Variants in TCF7 observed in about 807,000 individuals in gnomAD.
The protein encoded by TCF7 is T-cell-factor-7.
In TCF7, 19 loss-of-function variants were observed where a neutral mutation model predicts 46.8. That is an observed-to-expected ratio of 0.41 (90% CI 0.28 to 0.60). The LOEUF (loss-of-function observed/expected upper bound fraction) is 0.60, where lower values mean the gene tolerates loss of function less well. Among genes scored for constraint, TCF7 ranks in the 20% least tolerant of loss-of-function variants. TCF7 has a pLI of 0.35. For missense variants in TCF7, 547 were observed against 504.6 expected (o/e 1.08, Z -0.81); for synonymous variants, 245 against 213.4 (o/e 1.15, Z -1.29).
At chr5:134,143,266 G>A (rs998969997) in intron 8 of TCF7, 166 bp downstream of exon 8, 1 of 772,070 alleles carries the variant, frequency 1.3e-6, no homozygotes, top group Non-Finnish European at 2.2e-6. Context: ...AAGAGGACAA[G>A]CCCACATCCT....
intron 5 of TCF7, among the ~76,000 whole-genome samples, chr5:134,140,310 A>C (rs1411592158): frequency 2.0e-5 from 3 of 152,128 alleles, no homozygotes; most frequent in Middle Eastern, 3.2e-3. Context: ...AAAAAACCAG[A>C]CAGTTACAGG....
At chr5:134,142,430 C>G in intron 6 of TCF7, 126 bp downstream of exon 6, 1 of 916,876 alleles carries the variant, frequency 1.1e-6, no homozygotes, top group Non-Finnish European at 1.5e-6. Context: ...TGTTTTTGAT[C>G]CTCAGAAGTA....
intron 3 of TCF7, among the ~76,000 whole-genome samples, chr5:134,117,537 AG>A (rs1209533433): frequency 6.6e-6 from 1 of 152,238 alleles, no homozygotes; most frequent in Non-Finnish European, 1.5e-5. Flanking sequence ...GCTCCACAGC[AG>A]CACAGGGAAA....
upstream of TCF7, among the ~76,000 whole-genome samples, chr5:134,113,853 A>G (rs1367455089): frequency 3.9e-5 from 6 of 152,182 alleles, no homozygotes; most frequent in Non-Finnish European, 2.9e-5. Context: ...CCTAAATGCG[A>G]CTTCTAGGGT....
chr5:134,142,616 TG>T, intron 6 of TCF7, 104 bp from the exon 7 acceptor site: 1 of 1,430,254 alleles, frequency 7.0e-7, no homozygotes, highest in Non-Finnish European at 9.4e-7. Context: ...TAGAAAACTC[TG>T]GTATCATACA....
upstream of TCF7, among the ~76,000 whole-genome samples, chr5:134,113,507 A>T (rs2149258156): frequency 6.6e-6 from 1 of 152,304 alleles, no homozygotes; most frequent in East Asian, 1.9e-4. Context: ...CCTCAGAGGG[A>T]GAGGCGTCCA....
intron 3 of TCF7, among the ~76,000 whole-genome samples, chr5:134,125,814 G>C (rs997982801): frequency 6.6e-6 from 1 of 152,196 alleles, no homozygotes; most frequent in African/African-American, 2.4e-5. Flanking sequence ...GGGAGACCCC[G>C]GTGTCCGGTG....
At chr5:134,126,856 C>T (rs1757415132) in intron 3 of TCF7, among the ~76,000 whole-genome samples, 1 of 151,404 alleles carries the variant, frequency 6.6e-6, no homozygotes, top group South Asian at 2.1e-4. Flanking sequence ...AAGATTGCAC[C>T]ACTGCACTCC....
chr5:134,128,784 C>T (rs1420460203), intron 3 of TCF7, among the ~76,000 whole-genome samples: 5 of 152,120 alleles, frequency 3.3e-5, no homozygotes, highest in African/African-American at 7.2e-5. Context: ...CCCCAGCCTC[C>T]GGTGGCTGTC....
At position 134,146,618 on chromosome 5, in the gene TCF7, A is replaced by G; in HGVS notation, c.*315A>G. 2.9e-6 allele frequency: 2 copies of G among 681,116 alleles called. No individual in the cohort carries two copies. Among genetic ancestry groups the G allele is most frequent in the Non-Finnish European group, 5.3e-6 (2 of 376,786 alleles). 42.2% of individuals were successfully genotyped at this position (681,116 alleles called of 1,614,324 possible). A position where few individuals can be genotyped will look rare whatever the true frequency, so the allele number is the denominator to read the frequency against. ...ACTGGCCAGGGGTCCTGTTAACGTC[A>G]TCTCAGGGTCCAGACCCTGAAGATT... On this transcript the variant is annotated 3_prime_UTR_variant, in exon 10 of 10. Transcript: ENST00000342854.
intron 9 of TCF7, chr5:134,145,893 A>C: frequency 6.4e-7 from 1 of 1,565,626 alleles, no homozygotes; most frequent in Non-Finnish European, 8.6e-7. Context: ...GAGTCCCACA[A>C]ACACATCTGG....
intron 5 of TCF7, chr5:134,141,946 G>A: frequency 2.3e-6 from 1 of 428,624 alleles, no homozygotes; most frequent in Non-Finnish European, 4.0e-6. Flanking sequence ...AAGCTACTTG[G>A]GACCTATGTA....
chr5:134,124,247 C>T (rs1757020894), intron 3 of TCF7, among the ~76,000 whole-genome samples: 1 of 152,172 alleles, frequency 6.6e-6, no homozygotes, highest in Non-Finnish European at 1.5e-5. Context: ...AGTTTGCTGT[C>T]CTGTTTCGCA....
intron 3 of TCF7, among the ~76,000 whole-genome samples, chr5:134,132,005 C>T (rs1340920851): frequency 6.6e-6 from 1 of 152,212 alleles, no homozygotes; most frequent in Admixed American, 6.5e-5. Flanking sequence ...AAACTTGGAG[C>T]ATTTTTCAGG....
chr5:134,129,345 C>G (rs1161465193), intron 3 of TCF7, among the ~76,000 whole-genome samples: 1 of 152,194 alleles, frequency 6.6e-6, no homozygotes. Context: ...TCAAACACCT[C>G]CCTCCCCAGA....
intron 9 of TCF7, chr5:134,145,957 G>A (rs754250384): frequency 6.8e-7 from 1 of 1,475,842 alleles, no homozygotes; most frequent in Non-Finnish European, 8.9e-7. Flanking sequence ...CAGGAGAGAT[G>A]ACTCCCTTGG....
chr5:134,146,631 G>T lies in TCF7; in HGVS notation c.*328G>T. On this transcript the variant is annotated 3_prime_UTR_variant, in exon 10 of 10. Transcript: ENST00000342854. ...CCTGTTAACGTCATCTCAGGGTCCA[G>T]ACCCTGAAGATTTCAGAGGCTGCAG... The T allele has an allele frequency of 1.5e-6, 1 of 667,460 alleles. No homozygotes were observed. The highest frequency in any genetic ancestry group is 2.8e-5 in the Admixed American group (1 of 35,846). The allele number at this position is 667,460 out of a possible 1,614,324, so 41.3% of individuals were successfully genotyped here.
At chr5:134,116,867 G>A (rs1755910275) in intron 3 of TCF7, among the ~76,000 whole-genome samples, 1 of 152,260 alleles carries the variant, frequency 6.6e-6, no homozygotes, top group South Asian at 2.1e-4. Context: ...AAGTTGGGGT[G>A]AAGGTACGTG....
intron 9 of TCF7, 184 bp from the exon 10 acceptor site, chr5:134,146,040 A>G (rs1760651734): frequency 6.5e-7 from 1 of 1,533,304 alleles, no homozygotes; most frequent in Admixed American, 2.2e-5. Context: ...TGGGAACTGC[A>G]CCTGTCCTAG....
Sources: allele counts gnomAD v4.1 joint callset (sites outside exome capture counted in the v4.1 genomes callset), GRCh38; gene constraint gnomAD v4.1.1; transcripts MANE v1.5; gene names NCBI Gene and HGNC (gene_info 2026-07-23, HGNC 2026-07-21).